Variants in MYO10 observed in about 807,000 individuals in gnomAD.
The protein encoded by MYO10 is unconventional myosin-X.
A neutral mutation model predicts 257.3 loss-of-function variants in MYO10; 133 were observed. That is an observed-to-expected ratio of 0.52 (90% CI 0.45 to 0.60). The LOEUF is 0.60. Ranked by LOEUF, MYO10 falls within the 20% of genes least tolerant of loss-of-function variation. The pLI, the probability that MYO10 is intolerant of heterozygous loss-of-function variation, is 0.00. For synonymous variants in MYO10, 1,104 were observed against 1,028.6 expected, an observed-to-expected ratio of 1.07 and a Z score of -1.40; for missense variants, 2,399 against 2,635.7, an observed-to-expected ratio of 0.91 and a Z score of 1.97.
intron 19 of MYO10, among the ~76,000 whole-genome samples, chr5:16,744,313 C>T (rs541404983): frequency 6.6e-6 from 1 of 152,234 alleles, no homozygotes; most frequent in South Asian, 2.1e-4. Context: ...TACACATAAC[C>T]ACCCTCCCTC....
chr5:16,910,287 A>C (rs1281705506), intron 1 of MYO10, among the ~76,000 whole-genome samples: 1 of 152,196 alleles, frequency 6.6e-6, no homozygotes, highest in South Asian at 2.1e-4. Flanking sequence ...GAAAATCCTG[A>C]AACAATCCAG....
chr5:16,844,892 GTTAAA>G (rs1483224054), intron 2 of MYO10, among the ~76,000 whole-genome samples: 1 of 151,576 alleles, frequency 6.6e-6, no homozygotes, highest in Non-Finnish European at 1.5e-5. Context: ...AGTAAAATTT[GTTAAA>G]CTCTCCAACA....
At chr5:16,797,527 T>C (rs964182368) in intron 3 of MYO10, among the ~76,000 whole-genome samples, 2 of 152,168 alleles carry the variant, frequency 1.3e-5, no homozygotes, top group African/African-American at 4.8e-5. Context: ...TGTACACACA[T>C]GTTCACAGAA....
Position 16,863,909 on chromosome 5 carries a change from G to C in MYO10, c.120+13700C>G, listed in dbSNP as rs879748947. Among the ~76,000 whole-genome samples, 6 of 152,170 alleles carry C rather than the reference G, an allele frequency of 3.9e-5. 1 individual carries two copies. Among genetic ancestry groups the C allele is most frequent in the Non-Finnish European group, 8.8e-5 (6 of 68,040 alleles). On this transcript the variant is annotated intron_variant, in intron 2 of 40. Coordinates refer to ENST00000513610, the MANE Select transcript of MYO10 (RefSeq NM_012334.3). ...GCTCAGGAGTTCGTGACCAGCCTGG[G>C]CAACAAGGCAAAACTTCATCACTAC...
intron 1 of MYO10, among the ~76,000 whole-genome samples, chr5:16,908,443 G>A (rs775510660): frequency 1.5e-4 from 23 of 151,972 alleles, no homozygotes; most frequent in Non-Finnish European, 2.9e-5. Context: ...CAGGAGAATC[G>A]CTTGAACCCA....
chr5:16,925,167 C>A lies in MYO10; in HGVS notation c.21+10621G>T, dbSNP rs142866404. Among the ~76,000 whole-genome samples, 178 of 152,122 alleles carry A rather than the reference C, an allele frequency of 1.2e-3. 2 individuals carry two copies. The East Asian group carries it at 0.024, about 21-fold the overall frequency. ...ATTAATAATATTAGCAAAAGTTTCC[C>A]AAAACCCAAACAGAAATAATTTGGC... On this transcript the variant is annotated intron_variant, in intron 1 of 40. Transcript: ENST00000513610.
chr5:16,892,343 C>T lies in MYO10; in HGVS notation c.22-14636G>A, dbSNP rs1031706729. The stretch of plus-strand genomic sequence containing the variant: ...TCACATGAGACGGCTAACCAAAATG[C>T]TTCAAGCCATGGGGTTGCCGGGCAC... On this transcript the variant is annotated intron_variant, in intron 1 of 40. Transcript: ENST00000513610. Among the ~76,000 whole-genome samples the T allele has an allele frequency of 2.6e-5, 4 of 152,136 alleles. No homozygotes were observed. In the East Asian group the frequency reaches 7.7e-4, roughly 29 times the overall value.
chr5:16,918,305 T>C (rs1332057720), intron 1 of MYO10, among the ~76,000 whole-genome samples: 1 of 151,676 alleles, frequency 6.6e-6, no homozygotes, highest in African/African-American at 2.4e-5. Flanking sequence ...CTCAGCAGAT[T>C]ACAAGCAAGA....
chr5:16,900,290 T>G (rs957408126), intron 1 of MYO10, among the ~76,000 whole-genome samples: 2 of 152,170 alleles, frequency 1.3e-5, no homozygotes, highest in Non-Finnish European at 2.9e-5. Flanking sequence ...AAAACTGCCC[T>G]CTCTGCCTCC....
chr5:16,846,800 T>C (rs1241764956), intron 2 of MYO10, among the ~76,000 whole-genome samples: 1 of 152,246 alleles, frequency 6.6e-6, no homozygotes, highest in Admixed American at 6.5e-5. Context: ...ATCAACATTT[T>C]GCTAATGTGT....
intron 2 of MYO10, among the ~76,000 whole-genome samples, chr5:16,832,930 A>G (rs1743201927): frequency 2.0e-5 from 3 of 152,214 alleles, no homozygotes; most frequent in African/African-American, 7.2e-5. Flanking sequence ...ATTGCCAACC[A>G]CTGCAGCCAC....
intron 9 of MYO10, among the ~76,000 whole-genome samples, chr5:16,778,791 C>G (rs146703381): frequency 1.3e-5 from 2 of 150,500 alleles, no homozygotes; most frequent in Non-Finnish European, 3.0e-5. Context: ...CCCGGGTTCA[C>G]GCCATTCTCC....
intron 1 of MYO10, among the ~76,000 whole-genome samples, chr5:16,906,642 T>G (rs1286018808): frequency 6.6e-6 from 1 of 152,088 alleles, no homozygotes; most frequent in African/African-American, 2.4e-5. Context: ...TCTCTCCAAC[T>G]TCCTCCTTCT....
intron 2 of MYO10, among the ~76,000 whole-genome samples, chr5:16,869,983 C>G (rs977944614): frequency 3.3e-5 from 5 of 150,914 alleles, no homozygotes; most frequent in Admixed American, 6.6e-5. Flanking sequence ...GCAGGTGTGC[C>G]CTTTAGTGAT....
chr5:16,750,871 T>C (rs1160241461), intron 19 of MYO10, among the ~76,000 whole-genome samples: 2 of 152,118 alleles, frequency 1.3e-5, no homozygotes, highest in East Asian at 1.9e-4. Context: ...GGTGCATGCC[T>C]GTAATCCCAG....
At chr5:16,698,222 G>A (rs1353574058) in intron 26 of MYO10, among the ~76,000 whole-genome samples, 2 of 152,054 alleles carry the variant, frequency 1.3e-5, no homozygotes, top group African/African-American at 4.8e-5. Context: ...AATTAGCCTG[G>A]CATGATGGTG....
chr5:16,870,718 G>C (rs186608377), intron 2 of MYO10, among the ~76,000 whole-genome samples: 67 of 152,070 alleles, frequency 4.4e-4, no homozygotes, highest in Middle Eastern at 3.4e-3. Flanking sequence ...CATGGAGAAA[G>C]CCCATCTCTA....
chr5:16,880,127 T>C (rs1744715788), intron 1 of MYO10, among the ~76,000 whole-genome samples: 5 of 152,148 alleles, frequency 3.3e-5, no homozygotes, highest in Admixed American at 3.3e-4. Flanking sequence ...TTACACTGAA[T>C]TGAGATCGTG....
intron 1 of MYO10, among the ~76,000 whole-genome samples, chr5:16,931,759 C>G (rs1746301001): frequency 6.6e-6 from 1 of 152,206 alleles, no homozygotes; most frequent in South Asian, 2.1e-4. Context: ...ATTTTATAGT[C>G]ATCAAAGGGG....
Sources: gnomAD v4.1 joint callset for allele counts (sites outside exome capture counted in the v4.1 genomes callset) on GRCh38, gnomAD v4.1.1 for gene constraint, MANE v1.5 for transcripts, NCBI Gene and HGNC (gene_info 2026-07-23, HGNC 2026-07-21) for gene names.